Variants in ITGB6 observed in about 807,000 individuals in gnomAD.
The protein encoded by ITGB6 is integrin subunit beta 6.
Under a neutral mutation model 84.5 loss-of-function variants are expected in ITGB6, and 80 were observed. The ratio of observed to expected loss-of-function variants is 0.95; its 90% CI spans 0.79 to 1.14. The LOEUF (loss-of-function observed/expected upper bound fraction) is 1.14. Among genes scored for constraint, ITGB6 ranks in the 50% most tolerant of loss-of-function variants. The probability of loss-of-function intolerance (pLI) is 0.00; values close to 1 mark genes in which losing one functional copy is unlikely to be tolerated. For missense variants in ITGB6, 1,006 were observed against 968.0 expected, an observed-to-expected ratio of 1.04 and a Z score of -0.52; for synonymous variants, 383 against 354.9, an observed-to-expected ratio of 1.08 and a Z score of -0.89.
intron 12 of ITGB6, among the ~76,000 whole-genome samples, chr2:160,116,037 T>A (rs1163670868): frequency 6.9e-6 from 1 of 145,910 alleles, no homozygotes; most frequent in Non-Finnish European, 1.5e-5. Context: ...TACTTCTGAT[T>A]GGTGTACCTG....
At chr2:160,119,308 C>T (rs1228506067) in intron 12 of ITGB6, among the ~76,000 whole-genome samples, 3 of 151,822 alleles carry the variant, frequency 2.0e-5, no homozygotes, top group Non-Finnish European at 4.4e-5. Flanking sequence ...GTACTGGTAC[C>T]AAAACAGAGA....
chr2:160,137,393 T>C (rs1188854166), intron 10 of ITGB6, 41 bp downstream of exon 10: 2 of 1,564,882 alleles, frequency 1.3e-6, no homozygotes, highest in Admixed American at 1.7e-5. Context: ...TTGCTGATAC[T>C]TGAGCAGCCA....
At chr2:160,166,034 C>A (rs1684988318) in intron 7 of ITGB6, among the ~76,000 whole-genome samples, 1 of 152,220 alleles carries the variant, frequency 6.6e-6, no homozygotes, top group African/African-American at 2.4e-5. Context: ...TGAGAATCTA[C>A]TGTGTTTCGA....
intron 12 of ITGB6, among the ~76,000 whole-genome samples, chr2:160,114,412 C>T (rs746762328): frequency 1.3e-5 from 2 of 152,102 alleles, no homozygotes; most frequent in Non-Finnish European, 2.9e-5. Context: ...AAATAAGATG[C>T]CAGGCAGTCC....
chr2:160,199,604 A>G (rs1330284547), intron 1 of ITGB6, among the ~76,000 whole-genome samples: 1 of 152,222 alleles, frequency 6.6e-6, no homozygotes, highest in Non-Finnish European at 1.5e-5. Flanking sequence ...AACCATTAAA[A>G]AATGCTTCTT....
chr2:160,159,098 CAAA>C (rs71408116), intron 7 of ITGB6, among the ~76,000 whole-genome samples: 9 of 107,824 alleles, frequency 8.3e-5, no homozygotes, highest in African/African-American at 1.0e-4. Flanking sequence ...GACTCCATCT[CAAA>C]AAAAAAAAAA....
chr2:160,134,720 C>T (rs545046659), intron 10 of ITGB6, among the ~76,000 whole-genome samples: 1 of 152,326 alleles, frequency 6.6e-6, no homozygotes, highest in Non-Finnish European at 1.5e-5. Context: ...ATCAAGTGGG[C>T]TTCATCCCTG....
In ITGB6 at chr2:160,174,078, C is replaced by T; in HGVS notation, c.655G>A (p.Asp219Asn). 3 of 1,612,940 alleles carry T rather than the reference C, an allele frequency of 1.9e-6. No homozygotes were observed. The highest frequency in any genetic ancestry group is 1.7e-6 in the Non-Finnish European group (2 of 1,179,562). Residue 219 changes from aspartate (D) to asparagine (N), a missense_variant, in exon 5 of 15, where the codon GAT (aspartate) becomes AAT (asparagine). Transcript: ENST00000283249. ...ACAATTTCATTGAATCTTTCAGCAT[C>T]ATTTGTCAATGGCAAAATGTGCTTG... ...GFKHILPLTN[D>N]AERFNEIVKN...
chr2:160,139,764 C>A (rs1364310156), intron 8 of ITGB6, among the ~76,000 whole-genome samples: 2 of 151,972 alleles, frequency 1.3e-5, no homozygotes, highest in Non-Finnish European at 2.9e-5. Context: ...TCTTATGAAC[C>A]AGGAAAAACA....
At chr2:160,146,404 C>T (rs925108041) in intron 7 of ITGB6, among the ~76,000 whole-genome samples, 3 of 152,112 alleles carry the variant, frequency 2.0e-5, no homozygotes, top group South Asian at 2.1e-4. Flanking sequence ...TAATGTGTCA[C>T]TAATGTTACT....
intron 4 of ITGB6, among the ~76,000 whole-genome samples, chr2:160,189,125 G>T (rs1327569246): frequency 2.0e-5 from 3 of 152,102 alleles, no homozygotes; most frequent in South Asian, 2.1e-4. Flanking sequence ...TTTAATAAAT[G>T]GTGCTGGGAA....
At chr2:160,102,270 T>C (rs1310620883) in intron 14 of ITGB6, among the ~76,000 whole-genome samples, 1 of 152,080 alleles carries the variant, frequency 6.6e-6, no homozygotes, top group African/African-American at 2.4e-5. Flanking sequence ...CATACAAAAA[T>C]GAACGACACA....
intron 14 of ITGB6, among the ~76,000 whole-genome samples, chr2:160,105,706 T>A (rs964362814): frequency 6.6e-6 from 1 of 152,206 alleles, no homozygotes; most frequent in East Asian, 1.9e-4. Context: ...CATATTCTTT[T>A]ACCTGGTTGC....
intron 7 of ITGB6, among the ~76,000 whole-genome samples, chr2:160,156,182 G>A (rs994918719): frequency 5.3e-5 from 8 of 152,176 alleles, no homozygotes; most frequent in African/African-American, 1.7e-4. Context: ...AGGTAATTCT[G>A]AAAGGGGCTC....
chr2:160,163,135 C>A (rs1354281139), intron 7 of ITGB6, among the ~76,000 whole-genome samples: 4 of 152,100 alleles, frequency 2.6e-5, no homozygotes, highest in Non-Finnish European at 5.9e-5. Context: ...CTTAAACAAC[C>A]CACGGGGCAG....
chr2:160,102,693 A>G (rs978252512), intron 14 of ITGB6, among the ~76,000 whole-genome samples: 4 of 152,176 alleles, frequency 2.6e-5, no homozygotes, highest in African/African-American at 7.2e-5. Flanking sequence ...GAAGGTCCAG[A>G]AGGATCAAGC....
In ITGB6 at chr2:160,126,452, A is replaced by C. The variant is rs761142877; in HGVS notation, c.1810T>G (p.Cys604Gly). 1.2e-6 allele frequency: 2 copies of C among 1,614,202 alleles called. No individual in the cohort carries two copies. The highest frequency in any genetic ancestry group is 1.7e-6 in the Non-Finnish European group (2 of 1,180,024). ...GGTCCTGAGGCTCCAGGGTTTGTGC[A>C]AACACACTTGCCACAAACACAGTCC... ...RGDCVCGKCV[C>G]TNPGASGPTC... The change falls in exon 11 of 15, where the codon TGC becomes GGC. Residue 604 changes from cysteine to glycine, a missense_variant. By Grantham distance (159) the Cys-to-Gly change is radical. Coordinates refer to ENST00000283249, the MANE Select transcript of ITGB6 (RefSeq NM_000888.5).
intron 10 of ITGB6, among the ~76,000 whole-genome samples, chr2:160,129,147 G>A (rs1363496530): frequency 6.6e-6 from 1 of 151,994 alleles, no homozygotes; most frequent in African/African-American, 2.4e-5. Context: ...AAAGAGGGAG[G>A]CACCTGGACA....
chr2:160,111,204 C>T (rs1210353800), intron 13 of ITGB6, among the ~76,000 whole-genome samples: 1 of 151,646 alleles, frequency 6.6e-6, no homozygotes, highest in African/African-American at 2.4e-5. Flanking sequence ...TCTGGAAATT[C>T]GTTTTTGTTT....
Sources: gnomAD v4.1 joint callset for allele counts (sites outside exome capture counted in the v4.1 genomes callset) on GRCh38, gnomAD v4.1.1 for gene constraint, MANE v1.5 for transcripts, NCBI Gene and HGNC (gene_info 2026-07-23, HGNC 2026-07-21) for gene names.